The following SLC35B2 variants were observed in gnomAD, a reference collection of about 807,000 sequenced individuals.
The protein encoded by SLC35B2 is solute carrier family 35 member B2, also known as adenosine 3'-phospho 5'-phosphosulfate transporter 1.
In SLC35B2, 19 loss-of-function variants were observed where a neutral mutation model predicts 37.9. That is an observed-to-expected ratio of 0.50 (90% CI 0.35 to 0.74). The LOEUF (loss-of-function observed/expected upper bound fraction) is 0.74, where lower values mean the gene tolerates loss of function less well. Ranked by LOEUF, SLC35B2 falls within the 30% of genes least tolerant of loss-of-function variation. The probability of loss-of-function intolerance (pLI) is 0.01; values close to 1 mark genes in which losing one functional copy is unlikely to be tolerated. For synonymous variants in SLC35B2, 277 were observed against 225.2 expected (o/e 1.23, Z -2.06); for missense variants, 633 against 547.6 (o/e 1.16, Z -1.56).
chr6:44,255,916 A>AC (rs1781398653), intron 3 of SLC35B2, among the ~76,000 whole-genome samples: 4 of 150,870 alleles, frequency 2.7e-5, no homozygotes, highest in African/African-American at 9.8e-5. Context: ...ACTAGTACCC[A>AC]CTGCAAAATG....
intron 3 of SLC35B2, 117 bp downstream of exon 3, chr6:44,256,225 G>T: frequency 7.5e-7 from 1 of 1,330,770 alleles, no homozygotes; most frequent in Non-Finnish European, 1.0e-6. Flanking sequence ...GCCCCTGGGA[G>T]GAGGACACGA....
In SLC35B2 at chr6:44,254,256, C is replaced by T. The variant is rs1781112263; in HGVS notation, c.*450G>A. On this transcript the variant is annotated 3_prime_UTR_variant, in exon 4 of 4. Coordinates refer to ENST00000393812, the MANE Select transcript of SLC35B2 (RefSeq NM_178148.4). ...TGGGCAGGGCTCTGCATCCCCTTTCCTCAGCACAGCACCATCTTCACCCTC... is the reference window on the plus strand; with the variant it reads ...TGGGCAGGGCTCTGCATCCCCTTTCTTCAGCACAGCACCATCTTCACCCTC... 4.9e-6 allele frequency: 1 copy of T among 204,388 alleles called. No individual in the cohort carries two copies. Among genetic ancestry groups the T allele is most frequent in the Non-Finnish European group, 1.0e-5 (1 of 98,612 alleles). 12.7% of individuals were successfully genotyped at this position (204,388 alleles called of 1,614,324 possible). A position where few individuals can be genotyped will look rare whatever the true frequency, so the allele number is the denominator to read the frequency against.
At position 44,255,209 on chromosome 6, in the gene SLC35B2, C is replaced by T. The variant is rs769534811; in HGVS notation, c.796G>A (p.Ala266Thr). The change falls in exon 4 of 4, where the codon GCC (alanine) becomes ACC (threonine). Residue 266 changes from alanine to threonine, a missense_variant. Ala to Thr is a moderately conservative substitution (Grantham distance 58, BLOSUM62 0). Coordinates refer to ENST00000393812, the MANE Select transcript of SLC35B2 (RefSeq NM_178148.4). ...SSGPEPRSSP[A>T]TTLSGLILLA... ...AAGATGAGGCCTGAGAGTGTGGTGG[C>T]TGGGGAGCTGCGGGGCTCTGGTCCG... 7 of 1,614,228 alleles carry T rather than the reference C, an allele frequency of 4.3e-6. No homozygotes were observed. Among genetic ancestry groups the T allele is most frequent in the Non-Finnish European group, 5.9e-6 (7 of 1,180,024 alleles).
In SLC35B2 at chr6:44,256,329, C is replaced by T. The variant is rs763073194; in HGVS notation, c.360+13G>A. ...ATCCAACCCAGGAAGAGAGGCTGAG[C>T]CCACCTACCCACCTGGAGCCCTGTG... On this transcript the variant is annotated intron_variant, in intron 3 of 3. Coordinates refer to ENST00000393812, the MANE Select transcript of SLC35B2 (RefSeq NM_178148.4). 1 of 1,594,116 alleles carries T rather than the reference C, an allele frequency of 6.3e-7. No homozygotes were observed. The highest frequency in any genetic ancestry group is 8.5e-7 in the Non-Finnish European group (1 of 1,170,644).
intron 2 of SLC35B2, 81 bp downstream of exon 2, chr6:44,256,604 C>T (rs1380740645): frequency 1.2e-6 from 2 of 1,611,460 alleles, no homozygotes; most frequent in Non-Finnish European, 1.7e-6. Context: ...CCCGCCCTCT[C>T]CAAGTCATAT....
In SLC35B2 at chr6:44,254,601, A is replaced by C; in HGVS notation, c.*105T>G. The C allele has an allele frequency of 7.7e-7, 1 of 1,300,652 alleles. No individual in the cohort carries two copies. The highest frequency in any genetic ancestry group is 1.4e-5 in the South Asian group (1 of 70,454). 80.6% of individuals were successfully genotyped at this position (1,300,652 alleles called of 1,614,324 possible). ...TGCAGAGCTGGTCTGTGATACTGAG[A>C]AAACACCTGCATTTTGCCCTTTCAG... is the stretch of plus-strand genomic sequence containing the variant. On this transcript the variant is annotated 3_prime_UTR_variant, in exon 4 of 4. Coordinates refer to ENST00000393812, the MANE Select transcript of SLC35B2 (RefSeq NM_178148.4).
intron 2 of SLC35B2, 52 bp downstream of exon 2, chr6:44,256,633 C>G: frequency 6.2e-7 from 1 of 1,612,278 alleles, no homozygotes; most frequent in Non-Finnish European, 8.5e-7. Flanking sequence ...GACTGCTGGC[C>G]AAATACCCTC....
rs1465903090 is a variant in SLC35B2, at chr6:44,256,349, C to A, written c.353G>T (p.Gly118Val). Residue 118 changes from glycine to valine, a missense_variant, in exon 3 of 4, where the codon GGG becomes GTG. Transcript: ENST00000393812. Reference protein sequence around the residue: ...QALKLLFCATGLQVSYLTWGV... With the variant: ...QALKLLFCATVLQVSYLTWGV... ...CTGAGCCCACCTACCCACCTGGAGC[C>A]CTGTGGCACAGAAGAGCAGCTTCAG... 1.9e-6 allele frequency: 3 copies of A among 1,610,718 alleles called. No homozygotes were observed. The South Asian group carries it at 3.3e-5, about 18-fold the overall frequency.
intron 1 of SLC35B2, 148 bp downstream of exon 1, chr6:44,257,252 C>T (rs1196060245): frequency 7.5e-6 from 7 of 927,412 alleles, no homozygotes; most frequent in Admixed American, 4.2e-5. Flanking sequence ...AAAACCAAGC[C>T]GCAGCTCCCA....
chr6:44,254,143 C>G lies in SLC35B2; in HGVS notation c.*563G>C, dbSNP rs1199508849. The G allele has an allele frequency of 4.6e-6, 1 of 215,762 alleles. No individual in the cohort carries two copies. Among genetic ancestry groups the G allele is most frequent in the Non-Finnish European group, 9.5e-6 (1 of 105,332 alleles). The allele number at this position is 215,762 out of a possible 1,614,324, so 13.4% of individuals were successfully genotyped here. On this transcript the variant is annotated 3_prime_UTR_variant, in exon 4 of 4. Transcript: ENST00000393812. ...ATTTAATAAAATAAAATTATAAGAG[C>G]AAAAAGTTACATTTCTAAAGTACCA...
intron 3 of SLC35B2, 76 bp downstream of exon 3, chr6:44,256,266 G>A (rs1231673745): frequency 1.3e-6 from 2 of 1,535,374 alleles, no homozygotes; most frequent in Non-Finnish European, 1.8e-6. Context: ...TCTGGGACTG[G>A]TAAAATGGAA....
Position 44,256,736 on chromosome 6 carries a change from G to C in SLC35B2, c.154C>G (p.Pro52Ala). 6.2e-7 allele frequency: 1 copy of C among 1,614,164 alleles called. No homozygotes were observed. Among genetic ancestry groups the C allele is most frequent in the Non-Finnish European group, 8.5e-7 (1 of 1,180,028 alleles). Residue 52 changes from proline (P) to alanine (A), a missense_variant, in exon 2 of 4, where the codon CCT (proline) becomes GCT (alanine). Transcript: ENST00000393812. ...AAGTACTGCACCAGGAGGTAGCCAG[G>C]TACCATAAAGCTGGCATAGCCAGCA... ...NAAGYASFMV[P>A]GYLLVQYFRR...
Position 44,255,265 on chromosome 6 carries a change from G to A in SLC35B2, c.740C>T (p.Ser247Phe). 1 of 1,614,206 alleles carries A rather than the reference G, an allele frequency of 6.2e-7. No individual in the cohort carries two copies. The highest frequency in any genetic ancestry group is 8.5e-7 in the Non-Finnish European group (1 of 1,180,016). The change falls in exon 4 of 4, where the codon TCC (serine) becomes TTC (phenylalanine). Residue 247 changes from serine to phenylalanine, a missense_variant. Coordinates refer to ENST00000393812, the MANE Select transcript of SLC35B2 (RefSeq NM_178148.4). ...HWEYLTATLI[S>F]IGVSMFLLSS... ...TAGCAGAAACATGCTGACCCCAATG[G>A]AGATGAGGGTGGCTGTCAGGTACTC...
intron 3 of SLC35B2, among the ~76,000 whole-genome samples, 175 bp from the exon 4 acceptor site, chr6:44,255,819 G>A (rs1230649492): frequency 6.6e-6 from 1 of 152,170 alleles, no homozygotes; most frequent in African/African-American, 2.4e-5. Context: ...ACCTTGTAGG[G>A]AATCAACTGT....
In SLC35B2 at chr6:44,254,996, ACT is replaced by A; in HGVS notation, c.1007_1008del (p.Glu336ValfsTer90). On this transcript the variant is annotated frameshift_variant, in exon 4 of 4. Transcript: ENST00000393812. LOFTEE classifies it high-confidence loss of function. ...EGTRFMGRHS[E>X]FAAHALLLSI... ...GAGAGTAGCAGGGCATGGGCAGCAA[ACT>A]CACTGTGTCGCCCCATGAAGCGGGT... 3 of 1,614,130 alleles carry A rather than the reference ACT, an allele frequency of 1.9e-6. No individual in the cohort carries two copies. The highest frequency in any genetic ancestry group is 2.5e-6 in the Non-Finnish European group (3 of 1,180,002).
chr6:44,255,272 G>A lies in SLC35B2; in HGVS notation c.733C>T (p.Leu245Phe), dbSNP rs1161669159. The A allele has an allele frequency of 3.7e-6, 6 of 1,614,248 alleles. No homozygotes were observed. Among genetic ancestry groups the A allele is most frequent in the South Asian group, 3.3e-5 (3 of 91,084 alleles). The change falls in exon 4 of 4, where the codon CTC becomes TTC. Residue 245 changes from leucine (L) to phenylalanine (F), a missense_variant. By Grantham distance (22) the Leu-to-Phe change is conservative (BLOSUM62 0). Coordinates refer to ENST00000393812, the MANE Select transcript of SLC35B2 (RefSeq NM_178148.4). The stretch of plus-strand genomic sequence containing the variant: ...AACATGCTGACCCCAATGGAGATGA[G>A]GGTGGCTGTCAGGTACTCCCAGTGT... ...YEHWEYLTAT[L>F]ISIGVSMFLL...
In SLC35B2 at chr6:44,255,558, A is replaced by G. The variant is rs748518020; in HGVS notation, c.447T>C (p.Phe149=). 1.1e-5 allele frequency: 18 copies of G among 1,614,102 alleles called. No individual in the cohort carries two copies. The highest frequency in any genetic ancestry group is 1.5e-5 in the Non-Finnish European group (18 of 1,180,052). ...TTAGCACCAGGAACTGCGAGTCCGT[A>G]AAGCGCTCACCCGGTGATGTGGCTG... ...GATATSPGER[F]TDSQFLVLMN... The change falls in exon 4 of 4, where the codon TTT becomes TTC. Residue 149 remains phenylalanine, a synonymous_variant. Coordinates refer to ENST00000393812, the MANE Select transcript of SLC35B2 (RefSeq NM_178148.4).
At chr6:44,257,173 C>T (rs1290043371) in intron 1 of SLC35B2, 6 of 513,818 alleles carry the variant, frequency 1.2e-5, no homozygotes, top group African/African-American at 8.0e-5. Context: ...CCCCTTCCCC[C>T]ACACTCCCCT....
intron 1 of SLC35B2, 75 bp downstream of exon 1, chr6:44,257,324 GC>G: frequency 7.6e-7 from 1 of 1,309,514 alleles, no homozygotes; most frequent in Non-Finnish European, 9.8e-7. Flanking sequence ...ACCCCACCCG[GC>G]CCCCGTGCTG....
Sources: allele counts gnomAD v4.1 joint callset (sites outside exome capture counted in the v4.1 genomes callset), GRCh38; gene constraint gnomAD v4.1.1; transcripts MANE v1.5; gene names NCBI Gene and HGNC (gene_info 2026-07-23, HGNC 2026-07-21).